CDH13: variants seen among roughly 807,000 people sequenced by gnomAD.
CDH13 encodes the protein cadherin 13, also known as cadherin-13.
CDH13 carries 24 observed loss-of-function variants against 63.8 expected under a neutral mutation model. The observed-to-expected ratio is 0.38, with a 90% CI of 0.27 to 0.53. The LOEUF is 0.53. CDH13 is among the 20% of genes least tolerant of loss of function. The probability of loss-of-function intolerance (pLI) is 0.85; values close to 1 mark genes in which losing one functional copy is unlikely to be tolerated. For synonymous variants in CDH13, 503 were observed against 355.3 expected, an observed-to-expected ratio of 1.42 and a Z score of -4.67; for missense variants, 1,049 against 903.1, an observed-to-expected ratio of 1.16 and a Z score of -2.07.
At chr16:83,631,993 C>A (rs951087660) in intron 8 of CDH13, among the ~76,000 whole-genome samples, 1 of 152,178 alleles carries the variant, frequency 6.6e-6, no homozygotes, top group African/African-American at 2.4e-5. Flanking sequence ...CTTTGACATT[C>A]CAGCAAGGAA....
chr16:83,302,354 A>C (rs1016004595), intron 5 of CDH13, among the ~76,000 whole-genome samples: 2 of 152,250 alleles, frequency 1.3e-5, no homozygotes, highest in Non-Finnish European at 1.5e-5. Context: ...ATGGCAATCA[A>C]ATCATGGAAA....
At chr16:82,689,865 C>A (rs998348896) in intron 1 of CDH13, among the ~76,000 whole-genome samples, 1 of 151,636 alleles carries the variant, frequency 6.6e-6, no homozygotes, top group Admixed American at 6.6e-5. Flanking sequence ...CTTCTCATAG[C>A]TGGGGGCAGT....
intron 1 of CDH13, among the ~76,000 whole-genome samples, chr16:82,761,360 A>G (rs570359036): frequency 6.6e-6 from 1 of 152,134 alleles, no homozygotes; most frequent in Non-Finnish European, 1.5e-5. Context: ...TATCCAAATC[A>G]TGTCACAACC....
At chr16:82,687,929 T>A (rs1915247319) in intron 1 of CDH13, among the ~76,000 whole-genome samples, 1 of 152,132 alleles carries the variant, frequency 6.6e-6, no homozygotes, top group Non-Finnish European at 1.5e-5. Flanking sequence ...CTCCTTGGAC[T>A]CAGACATGCT....
At chr16:82,744,463 A>G (rs1326133734) in intron 1 of CDH13, among the ~76,000 whole-genome samples, 1 of 151,874 alleles carries the variant, frequency 6.6e-6, no homozygotes, top group African/African-American at 2.4e-5. Flanking sequence ...CCAGGAGAGG[A>G]TTTTCTGAAC....
chr16:83,020,234 T>A lies in CDH13; in HGVS notation c.158-11776T>A, dbSNP rs781106829. ...CCCACACCTGCATAGCTGTAGGACC[T>A]CAATGTATTCTCCTTCCTGGCCTTT... On this transcript the variant is annotated intron_variant, in intron 2 of 13. Coordinates refer to ENST00000567109, the MANE Select transcript of CDH13 (RefSeq NM_001257.5). 2.0e-4 allele frequency among the ~76,000 whole-genome samples: 31 copies of A among 152,158 alleles called. 1 individual carries two copies. Among genetic ancestry groups the A allele is most frequent in the Admixed American group, 5.9e-4 (9 of 15,274 alleles).
intron 8 of CDH13, among the ~76,000 whole-genome samples, chr16:83,609,424 A>G (rs970783132): frequency 6.6e-6 from 1 of 152,190 alleles, no homozygotes; most frequent in Non-Finnish European, 1.5e-5. Context: ...TGTCATCCAC[A>G]TCCTCGTATG....
At chr16:82,867,481 C>T (rs1019497828) in intron 2 of CDH13, among the ~76,000 whole-genome samples, 14 of 152,270 alleles carry the variant, frequency 9.2e-5, no homozygotes, top group Non-Finnish European at 1.9e-4. Context: ...TTGTCCATGA[C>T]CCTTAACTCT....
At chr16:83,102,707 G>C (rs138200459) in intron 3 of CDH13, among the ~76,000 whole-genome samples, 1 of 152,210 alleles carries the variant, frequency 6.6e-6, no homozygotes, top group Non-Finnish European at 1.5e-5. Flanking sequence ...GGAGCAGTTA[G>C]GAGGATTGTG....
intron 5 of CDH13, among the ~76,000 whole-genome samples, chr16:83,271,950 C>T (rs537927702): frequency 6.6e-6 from 1 of 152,266 alleles, no homozygotes; most frequent in African/African-American, 2.4e-5. Context: ...TACTTTTGAT[C>T]CAATACATCT....
chr16:83,460,982 A>AACACACAC (rs367812199), intron 6 of CDH13, among the ~76,000 whole-genome samples: 33,766 of 133,822 alleles, frequency 0.25, 4,232 homozygotes, highest in Middle Eastern at 0.34. Context: ...CTTGTCTCAA[A>AACACACAC]ACACACACAC....
chr16:83,216,443 T>TATATACAC lies in CDH13; in HGVS notation c.484-901_484-900insTATACACA, dbSNP rs1472700247. On this transcript the variant is annotated intron_variant, in intron 4 of 13. Coordinates refer to ENST00000567109, the MANE Select transcript of CDH13 (RefSeq NM_001257.5). ...ATATATATATATATATATATATATA[T>TATATACAC]ACACAACCCTAATTTGAGGTTTATA... 2.4e-4 allele frequency among the ~76,000 whole-genome samples: 22 copies of TATATACAC among 93,432 alleles called. 2 individuals are homozygous for TATATACAC. The highest frequency in any genetic ancestry group is 8.7e-4 in the African/African-American group (22 of 25,380). 61.3% of individuals were successfully genotyped at this position (93,432 alleles called of 152,430 possible). A position where few individuals can be genotyped will look rare whatever the true frequency, so the allele number is the denominator to read the frequency against.
intron 3 of CDH13, among the ~76,000 whole-genome samples, chr16:83,060,430 G>T (rs538778797): frequency 6.6e-6 from 1 of 152,272 alleles, no homozygotes; most frequent in Admixed American, 6.5e-5. Flanking sequence ...GTGTGAAAGG[G>T]AAGAGAACTG....
intron 3 of CDH13, among the ~76,000 whole-genome samples, chr16:83,122,509 C>T (rs1454154021): frequency 1.3e-5 from 2 of 152,108 alleles, no homozygotes; most frequent in African/African-American, 4.8e-5. Flanking sequence ...GAGTGCATTC[C>T]AACAGTTGCC....
At chr16:83,383,256 GCA>G (rs907711229) in intron 6 of CDH13, 1 of 152,160 alleles carries the variant, frequency 6.6e-6, no homozygotes, top group Non-Finnish European at 1.5e-5. Flanking sequence ...ACCTGCTGGG[GCA>G]CACACAACCA....
At chr16:82,647,986 T>A (rs1910298362) in intron 1 of CDH13, among the ~76,000 whole-genome samples, 1 of 152,178 alleles carries the variant, frequency 6.6e-6, no homozygotes, top group Non-Finnish European at 1.5e-5. Context: ...TCTCACGAGA[T>A]CTGAGGGTTT....
At chr16:83,490,528 C>T (rs757750262) in intron 7 of CDH13, among the ~76,000 whole-genome samples, 15 of 152,210 alleles carry the variant, frequency 9.9e-5, no homozygotes, top group Non-Finnish European at 2.1e-4. Flanking sequence ...ATCTGCTCCT[C>T]TCCTGCTCCA....
chr16:83,261,630 C>G (rs1219342135), intron 5 of CDH13, among the ~76,000 whole-genome samples: 1 of 151,868 alleles, frequency 6.6e-6, no homozygotes, highest in African/African-American at 2.4e-5. Flanking sequence ...TTATCCAGTA[C>G]AAATGTCACT....
In CDH13 at chr16:83,344,827, A is replaced by G. The variant is rs372476536; in HGVS notation, c.637-35A>G. 10 of 1,609,118 alleles carry G rather than the reference A, an allele frequency of 6.2e-6. No homozygotes were observed. In the African/African-American group the frequency reaches 1.1e-4, roughly 17 times the overall value. ...ATTTGAATTTTCATAATGAATTAAT[A>G]TCTTCTTTCTCCCCCAATCTCTTTG... On this transcript the variant is annotated intron_variant, in intron 5 of 13. Coordinates refer to ENST00000567109, the MANE Select transcript of CDH13 (RefSeq NM_001257.5).
Sources: gnomAD v4.1 joint callset for allele counts (sites outside exome capture counted in the v4.1 genomes callset) on GRCh38, gnomAD v4.1.1 for gene constraint, MANE v1.5 for transcripts, NCBI Gene and HGNC (gene_info 2026-07-23, HGNC 2026-07-21) for gene names.